SLC44A5: variants seen among roughly 807,000 people sequenced by gnomAD.
The protein encoded by SLC44A5 is solute carrier family 44 member 5.
SLC44A5 carries 57 observed loss-of-function variants against 101.8 expected under a neutral mutation model. That is an observed-to-expected ratio of 0.56 (90% CI 0.45 to 0.70). The LOEUF (loss-of-function observed/expected upper bound fraction) is 0.70, where lower values mean the gene tolerates loss of function less well. SLC44A5 is among the 30% of genes least tolerant of loss of function. The pLI is 0.00. For missense variants in SLC44A5, 737 were observed against 853.1 expected (o/e 0.86, Z 1.70); for synonymous variants, 281 against 290.9 (o/e 0.97, Z 0.35).
chr1:75,241,080 T>TTA (rs199771385), intron 9 of SLC44A5, among the ~76,000 whole-genome samples: 1 of 47,420 alleles, frequency 2.1e-5, no homozygotes, highest in African/African-American at 5.1e-5. Flanking sequence ...AATTTAAATA[T>TTA]TCTCGGTCTT....
At chr1:75,556,845 T>G (rs1200318310) in intron 1 of SLC44A5, among the ~76,000 whole-genome samples, 1 of 152,016 alleles carries the variant, frequency 6.6e-6, no homozygotes, top group Non-Finnish European at 1.5e-5. Flanking sequence ...CTGCTATATC[T>G]TCTGGAATCA....
intron 1 of SLC44A5, among the ~76,000 whole-genome samples, chr1:75,544,503 G>GCA (rs139419647): frequency 2.9e-4 from 44 of 150,022 alleles, no homozygotes; most frequent in Middle Eastern, 6.9e-3. Context: ...GTGTGCATGT[G>GCA]CACACACACA....
At chr1:75,263,782 A>G (rs1650742317) in intron 6 of SLC44A5, among the ~76,000 whole-genome samples, 1 of 152,212 alleles carries the variant, frequency 6.6e-6, no homozygotes, top group African/African-American at 2.4e-5. Context: ...CATATACACC[A>G]TGGACTACTA....
chr1:75,708,461 G>A, the SLC44A5 span, among the ~76,000 whole-genome samples: 1 of 148,436 alleles, frequency 6.7e-6, no homozygotes, highest in Non-Finnish European at 1.5e-5. Flanking sequence ...TTTGACCCAG[G>A]AAGTATGTGA....
chr1:75,331,626 C>G (rs917075791), intron 4 of SLC44A5, among the ~76,000 whole-genome samples: 1 of 152,260 alleles, frequency 6.6e-6, no homozygotes. Flanking sequence ...CAGATTAGCT[C>G]ACTCTGTTAC....
the SLC44A5 span, among the ~76,000 whole-genome samples, chr1:75,636,726 T>C: frequency 6.6e-6 from 1 of 152,058 alleles, no homozygotes; most frequent in Non-Finnish European, 1.5e-5. Context: ...GTAAATGTCA[T>C]GGAAATAATA....
chr1:75,612,164 C>T (rs1003404774), upstream of SLC44A5, among the ~76,000 whole-genome samples: 2 of 151,978 alleles, frequency 1.3e-5, no homozygotes, highest in African/African-American at 4.8e-5. Flanking sequence ...ATAACTGGAC[C>T]TTTTAGAAAA....
chr1:75,431,431 T>C (rs1449415243), intron 2 of SLC44A5, among the ~76,000 whole-genome samples: 1 of 152,176 alleles, frequency 6.6e-6, no homozygotes, highest in Admixed American at 6.5e-5. Context: ...GTTACACTAC[T>C]TTAAATGAAT....
intron 3 of SLC44A5, among the ~76,000 whole-genome samples, chr1:75,346,919 C>T (rs867217226): frequency 1.8e-4 from 27 of 152,202 alleles, no homozygotes; most frequent in African/African-American, 5.5e-4. Flanking sequence ...AGATGGAAAA[C>T]GAACAGCATA....
intron 6 of SLC44A5, among the ~76,000 whole-genome samples, chr1:75,261,685 C>A (rs1557591438): frequency 6.6e-6 from 1 of 152,158 alleles, no homozygotes; most frequent in East Asian, 1.9e-4. Flanking sequence ...CAGCATCATC[C>A]TAATGCCAAA....
chr1:75,319,490 G>A (rs921315936), intron 4 of SLC44A5, among the ~76,000 whole-genome samples: 4 of 152,120 alleles, frequency 2.6e-5, no homozygotes, highest in African/African-American at 7.2e-5. Flanking sequence ...TTATTAAAAT[G>A]TTTTTATTAT....
intron 6 of SLC44A5, among the ~76,000 whole-genome samples, chr1:75,271,497 T>TTTTTTTTTTTTTTTTTTTG (rs1553152601): frequency 2.1e-5 from 3 of 146,302 alleles, no homozygotes; most frequent in African/African-American, 7.6e-5. Flanking sequence ...TCTGCATGTT[T>TTTTTTTTTTTTTTTTTTTG]TGTGTGTGTG....
Position 75,219,841 on chromosome 1 carries a change from A to G in SLC44A5, c.1137T>C (p.Ile379=). The G allele has an allele frequency of 6.2e-7, 1 of 1,613,060 alleles. No homozygotes were observed. Among genetic ancestry groups the G allele is most frequent in the Non-Finnish European group, 8.5e-7 (1 of 1,179,344 alleles). The change falls in exon 15 of 24, where the codon ATT becomes ATC. Residue 379 remains isoleucine, a synonymous_variant. Transcript: ENST00000370859. ...AGTAGCAAATGCAGATTGAGAGCAA[A>G]ATGAAAGTTAAAGCTGGATAGACTA... ...STLVYPALTF[I]LLSICICYWV...
chr1:75,253,432 G>C (rs1649748170), intron 6 of SLC44A5, among the ~76,000 whole-genome samples: 2 of 152,080 alleles, frequency 1.3e-5, no homozygotes, highest in Non-Finnish European at 2.9e-5. Flanking sequence ...TAAAGGCAAT[G>C]ATATGAGAAA....
chr1:75,519,300 G>A (rs1330778002), intron 2 of SLC44A5, among the ~76,000 whole-genome samples: 1 of 152,146 alleles, frequency 6.6e-6, no homozygotes, highest in Non-Finnish European at 1.5e-5. Flanking sequence ...GCTCACGCCT[G>A]TAATCCCAAC....
the SLC44A5 span, among the ~76,000 whole-genome samples, chr1:75,686,467 C>T: frequency 6.6e-5 from 10 of 152,234 alleles, no homozygotes; most frequent in Non-Finnish European, 1.3e-4. Context: ...TCAATAAGTA[C>T]GGAAGCCCTA....
At chr1:75,495,244 A>G (rs1025331877) in intron 2 of SLC44A5, among the ~76,000 whole-genome samples, 2 of 152,148 alleles carry the variant, frequency 1.3e-5, no homozygotes, top group African/African-American at 2.4e-5. Flanking sequence ...TCATGAGGTC[A>G]GGAGATTGAG....
chr1:75,600,198 G>C (rs1674890132), intron 1 of SLC44A5, among the ~76,000 whole-genome samples: 1 of 152,126 alleles, frequency 6.6e-6, no homozygotes, highest in African/African-American at 2.4e-5. Context: ...CCTGGAAAGA[G>C]GATGTGAGAG....
chr1:75,670,282 A>T, the SLC44A5 span, among the ~76,000 whole-genome samples: 1 of 152,178 alleles, frequency 6.6e-6, no homozygotes, highest in African/African-American at 2.4e-5. Context: ...TTAAGAAGTT[A>T]TTTGATCCCA....
Sources: gnomAD v4.1 joint callset for allele counts (sites outside exome capture counted in the v4.1 genomes callset) on GRCh38, gnomAD v4.1.1 for gene constraint, MANE v1.5 for transcripts, NCBI Gene and HGNC (gene_info 2026-07-23, HGNC 2026-07-21) for gene names.